The following THSD7A variants were observed in gnomAD, a reference collection of about 807,000 sequenced individuals.
The protein encoded by THSD7A is thrombospondin type 1 domain containing 7A.
A neutral mutation model predicts 231.3 loss-of-function variants in THSD7A; 96 were observed. The observed-to-expected ratio is 0.41, with a 90% CI of 0.35 to 0.49. The LOEUF (loss-of-function observed/expected upper bound fraction) is 0.49, where lower values mean the gene tolerates loss of function less well. Among genes scored for constraint, THSD7A ranks in the 20% least tolerant of loss-of-function variants. THSD7A has a pLI of 0.05. For synonymous variants in THSD7A, 940 were observed against 743.3 expected, an observed-to-expected ratio of 1.26 and a Z score of -4.30; for missense variants, 2,290 against 2,070.2, an observed-to-expected ratio of 1.11 and a Z score of -2.06.
At chr7:11,397,896 A>T (rs764817143) in intron 23 of THSD7A, among the ~76,000 whole-genome samples, 3 of 152,206 alleles carry the variant, frequency 2.0e-5, no homozygotes, top group Non-Finnish European at 4.4e-5. Context: ...AAAGTCAGGA[A>T]ACAATGGATG....
chr7:11,807,288 A>G (rs1217419142), intron 1 of THSD7A, among the ~76,000 whole-genome samples: 1 of 152,156 alleles, frequency 6.6e-6, no homozygotes, highest in Non-Finnish European at 1.5e-5. Context: ...CAAATGATCA[A>G]GGTGGAAATT....
intron 1 of THSD7A, among the ~76,000 whole-genome samples, chr7:11,812,760 CATACTTT>C (rs1255097133): frequency 1.3e-5 from 2 of 152,152 alleles, no homozygotes; most frequent in African/African-American, 2.4e-5. Flanking sequence ...AATATTGAAG[CATACTTT>C]AAAGGACTTT....
chr7:11,468,758 C>T (rs1012749671), intron 9 of THSD7A, among the ~76,000 whole-genome samples: 3 of 152,056 alleles, frequency 2.0e-5, no homozygotes, highest in Non-Finnish European at 2.9e-5. Context: ...TGCTTGAACC[C>T]AGGAGGCTGA....
At chr7:11,464,993 A>C (rs39191) in intron 9 of THSD7A, among the ~76,000 whole-genome samples, 99,364 of 152,066 alleles carry the variant, frequency 0.65, 34,380 homozygotes, top group African/African-American at 0.88. Context: ...TGAAAGTTTC[A>C]TCATTAATAA....
In THSD7A at chr7:11,451,097, G is replaced by C. The variant is rs1056221617; in HGVS notation, c.2606-3673C>G. Among the ~76,000 whole-genome samples, 5 of 151,962 alleles carry C rather than the reference G, an allele frequency of 3.3e-5. No individual in the cohort carries two copies. The South Asian group carries it at 1.0e-3, about 31-fold the overall frequency. On this transcript the variant is annotated intron_variant, in intron 11 of 27. Transcript: ENST00000423059. ...GTTACATATGAATCAACTTAAACAA[G>C]CTTAGCCCATCAATATTGGGAAAAT... is the stretch of plus-strand genomic sequence containing the variant.
chr7:11,587,877 C>T (rs6460829), intron 4 of THSD7A, among the ~76,000 whole-genome samples: 152,237 of 152,304 alleles, frequency 1, 76,085 homozygotes, highest in Middle Eastern at 1. Flanking sequence ...TACTAATACA[C>T]TTTATTTTTG....
rs376581701 is a variant in THSD7A, at chr7:11,535,344, T to C, written c.1822+6075A>G. On this transcript the variant is annotated intron_variant, in intron 6 of 27. Coordinates refer to ENST00000423059, the MANE Select transcript of THSD7A (RefSeq NM_015204.3). ...ATACACAGACACATATACTAACAGA[T>C]AGCAGACAAATCAGAGTATCTGATG... Among the ~76,000 whole-genome samples, 4 of 152,232 alleles carry C rather than the reference T, an allele frequency of 2.6e-5. No individual in the cohort carries two copies. In the East Asian group the frequency reaches 7.7e-4, roughly 29 times the overall value.
rs1176836068 is a variant in THSD7A, at chr7:11,444,125, G to C, written c.3064+1936C>G. On this transcript the variant is annotated intron_variant, in intron 13 of 27. Coordinates refer to ENST00000423059, the MANE Select transcript of THSD7A (RefSeq NM_015204.3). This position sits in a 1 kb window ranked among gnomAD's most constrained non-coding sequence, Gnocchi z 4.2. ...ATACCACCTCACACCAGTTAGAATG[G>C]TGATCATTAAAAAGTCAGGAAACAA... Among the ~76,000 whole-genome samples the C allele has an allele frequency of 6.6e-6, 1 of 152,100 alleles. No individual in the cohort carries two copies. Among genetic ancestry groups the C allele is most frequent in the Non-Finnish European group, 1.5e-5 (1 of 68,022 alleles).
chr7:11,828,671 T>C (rs1013567563), intron 1 of THSD7A, among the ~76,000 whole-genome samples: 1 of 152,200 alleles, frequency 6.6e-6, no homozygotes, highest in Non-Finnish European at 1.5e-5. Context: ...AGTGGTTACA[T>C]ATTTTAGCTC....
At chr7:11,770,891 T>C (rs954724504) in intron 1 of THSD7A, among the ~76,000 whole-genome samples, 4 of 151,794 alleles carry the variant, frequency 2.6e-5, no homozygotes, top group African/African-American at 9.7e-5. Context: ...TTTTAAAAAA[T>C]CAAAAATAAT....
intron 9 of THSD7A, among the ~76,000 whole-genome samples, chr7:11,462,847 T>C (rs879361213): frequency 3.3e-5 from 5 of 152,170 alleles, no homozygotes; most frequent in African/African-American, 7.2e-5. Flanking sequence ...ACACTTTCAA[T>C]AAAGACATCA....
intron 13 of THSD7A, among the ~76,000 whole-genome samples, chr7:11,431,746 T>C (rs565160507): frequency 6.6e-6 from 1 of 152,230 alleles, no homozygotes; most frequent in African/African-American, 2.4e-5. Context: ...AGGATTTTGA[T>C]AGGAATTGTG....
At chr7:11,661,479 T>C (rs972265164) in intron 1 of THSD7A, among the ~76,000 whole-genome samples, 3 of 151,072 alleles carry the variant, frequency 2.0e-5, no homozygotes, top group African/African-American at 7.3e-5. Flanking sequence ...AGAAGAGTAA[T>C]TGATTTTAAA....
intron 1 of THSD7A, among the ~76,000 whole-genome samples, chr7:11,830,929 G>A (rs886340343): frequency 6.6e-6 from 1 of 152,118 alleles, no homozygotes; most frequent in African/African-American, 2.4e-5. Flanking sequence ...AACATGTGAA[G>A]TTTCAGGTCC....
intron 1 of THSD7A, among the ~76,000 whole-genome samples, chr7:11,707,471 C>T (rs1402365773): frequency 9.3e-5 from 14 of 150,814 alleles, no homozygotes. Context: ...ATGGAAAACC[C>T]TGAGCATTTA....
At chr7:11,610,415 T>C (rs565596488) in intron 2 of THSD7A, among the ~76,000 whole-genome samples, 7 of 152,188 alleles carry the variant, frequency 4.6e-5, no homozygotes, top group East Asian at 3.9e-4. Flanking sequence ...AAAATACCAA[T>C]GTTGTAGGTA....
chr7:11,800,834 G>A (rs756495216), intron 1 of THSD7A, among the ~76,000 whole-genome samples: 21 of 152,104 alleles, frequency 1.4e-4, no homozygotes, highest in Non-Finnish European at 2.2e-4. Context: ...AGTTAACAAT[G>A]CAGTGTTGTG....
chr7:11,463,667 T>C (rs1159625586), intron 9 of THSD7A, among the ~76,000 whole-genome samples: 5 of 152,136 alleles, frequency 3.3e-5, no homozygotes, highest in Non-Finnish European at 5.9e-5. Context: ...GAGTAGGGAA[T>C]TGGGGGCTAG....
intron 6 of THSD7A, among the ~76,000 whole-genome samples, chr7:11,530,878 G>A (rs532797659): frequency 1.2e-4 from 18 of 152,182 alleles, no homozygotes; most frequent in South Asian, 4.1e-4. Flanking sequence ...ATGCATGGTC[G>A]CGGGTGTCTG....
Sources: gnomAD v4.1 joint callset for allele counts (sites outside exome capture counted in the v4.1 genomes callset) on GRCh38, gnomAD v4.1.1 for gene constraint, Gnocchi (gnomAD v3.1) non-coding constraint, MANE v1.5 for transcripts, NCBI Gene and HGNC (gene_info 2026-07-23, HGNC 2026-07-21) for gene names.